The following SGPP1 variants were observed in gnomAD, a reference collection of about 807,000 sequenced individuals.
The protein encoded by SGPP1 is sphingosine-1-phosphate phosphatase 1, also known as hSPP1.
SGPP1 carries 21 observed loss-of-function variants against 33.0 expected under a neutral mutation model. The ratio of observed to expected loss-of-function variants is 0.64; its 90% CI spans 0.45 to 0.92. SGPP1 has a LOEUF of 0.92. Among genes scored for constraint, SGPP1 ranks in the 40% least tolerant of loss-of-function variants. The probability of loss-of-function intolerance (pLI) is 0.00; values close to 1 mark genes in which losing one functional copy is unlikely to be tolerated. For missense variants in SGPP1, 543 were observed against 589.4 expected, an observed-to-expected ratio of 0.92 and a Z score of 0.81; for synonymous variants, 239 against 241.2, an observed-to-expected ratio of 0.99 and a Z score of 0.08.
intron 1 of SGPP1, among the ~76,000 whole-genome samples, chr14:63,721,303 G>A (rs1885766355): frequency 6.6e-6 from 1 of 152,046 alleles, no homozygotes; most frequent in Non-Finnish European, 1.5e-5. Context: ...AATTAGCCGG[G>A]TGTGGTGGCA....
At chr14:63,709,266 C>A (rs553590129) in intron 1 of SGPP1, among the ~76,000 whole-genome samples, 3 of 151,228 alleles carry the variant, frequency 2.0e-5, no homozygotes, top group Non-Finnish European at 4.4e-5. Flanking sequence ...CCCAGCTACT[C>A]GGGAGGCTGA....
At chr14:63,723,780 A>C (rs1885823767) in intron 1 of SGPP1, among the ~76,000 whole-genome samples, 1 of 152,194 alleles carries the variant, frequency 6.6e-6, no homozygotes, top group Non-Finnish European at 1.5e-5. Context: ...TCTTGAAGAA[A>C]TACAACTAAC....
At position 63,724,019 on chromosome 14, in the gene SGPP1, A is replaced by T. The variant is rs1051295329; in HGVS notation, c.684+3242T>A. On this transcript the variant is annotated intron_variant, in intron 1 of 2. Transcript: ENST00000247225. ...CAGCCTCCCTAGTAGCTAGAACTACAGGCATGCGCCACCATGCCCAGCTGA... is the reference window on the plus strand; with the variant it reads ...CAGCCTCCCTAGTAGCTAGAACTACTGGCATGCGCCACCATGCCCAGCTGA... 2.6e-5 allele frequency among the ~76,000 whole-genome samples: 4 copies of T among 152,194 alleles called. No homozygotes were observed. In the East Asian group the frequency reaches 7.8e-4, roughly 30 times the overall value.
intron 1 of SGPP1, 113 bp downstream of exon 1, chr14:63,727,148 T>C: frequency 7.0e-7 from 1 of 1,433,038 alleles, no homozygotes; most frequent in Non-Finnish European, 9.1e-7. Context: ...TGAAAACCTG[T>C]GGAAAGAGAG....
rs1884964933 is a variant in SGPP1 at position 63,686,056 on chromosome 14, G to T, written c.*49C>A. ...GGCTTTACCTGGAATATATTTTTGG[G>T]TATCAGTAACTGATACCCTCCTTTC... On this transcript the variant is annotated 3_prime_UTR_variant, in exon 3 of 3. Coordinates refer to ENST00000247225, the MANE Select transcript of SGPP1 (RefSeq NM_030791.4). 1.8e-6 allele frequency: 2 copies of T among 1,142,742 alleles called. No homozygotes were observed. Among genetic ancestry groups the T allele is most frequent in the South Asian group, 1.8e-5 (1 of 54,248 alleles). 70.8% of individuals were successfully genotyped at this position (1,142,742 alleles called of 1,614,324 possible). A position where few individuals can be genotyped will look rare whatever the true frequency, so the allele number is the denominator to read the frequency against.
At chr14:63,706,168 G>A (rs768887170) in intron 1 of SGPP1, among the ~76,000 whole-genome samples, 2 of 152,178 alleles carry the variant, frequency 1.3e-5, no homozygotes, top group Non-Finnish European at 2.9e-5. Context: ...AGTGAATGAA[G>A]CCAGACACCC....
intron 2 of SGPP1, among the ~76,000 whole-genome samples, chr14:63,690,252 AGGCTGGTTTCCAAC>A (rs1885064265): frequency 2.0e-5 from 3 of 152,160 alleles, no homozygotes; most frequent in Non-Finnish European, 4.4e-5. Flanking sequence ...CATGTTGCCA[AGGCTGGTTTCCAAC>A]TTCTGAGCTC....
intron 2 of SGPP1, among the ~76,000 whole-genome samples, chr14:63,688,536 T>G (rs1256025751): frequency 6.6e-6 from 1 of 151,926 alleles, no homozygotes; most frequent in Admixed American, 6.6e-5. Flanking sequence ...TACAAAAATG[T>G]TCCGTATTTC....
rs767407041 is a variant in SGPP1 at position 63,719,960 on chromosome 14, C to CA, written c.684+7300dup. On this transcript the variant is annotated intron_variant, in intron 1 of 2. Coordinates refer to ENST00000247225, the MANE Select transcript of SGPP1 (RefSeq NM_030791.4). ...TGAAACCCCATCTCTACTGAAAATA[C>CA]AAAAAAAAAAAAAAAATTAGCTGGA... 9.2e-3 allele frequency among the ~76,000 whole-genome samples: 970 copies of CA among 105,840 alleles called. 10 individuals carry two copies. The highest frequency in any genetic ancestry group is 0.028 in the African/African-American group (796 of 28,648). 69.4% of individuals were successfully genotyped at this position (105,840 alleles called of 152,430 possible).
intron 1 of SGPP1, among the ~76,000 whole-genome samples, chr14:63,702,147 G>A (rs11624105): frequency 0.016 from 2,364 of 152,160 alleles, 29 homozygotes; most frequent in Non-Finnish European, 0.024. Flanking sequence ...TTAAATAGGA[G>A]CAATGAAACC....
At chr14:63,715,026 CTTTT>C (rs1164699481) in intron 1 of SGPP1, among the ~76,000 whole-genome samples, 8 of 132,702 alleles carry the variant, frequency 6.0e-5, no homozygotes, top group Non-Finnish European at 8.2e-5. Context: ...CCCAGCCGAC[CTTTT>C]TTTTTTTTTT....
rs1351360765 is a variant in SGPP1, at chr14:63,684,604, T to G, written c.*1501A>C. 6.6e-6 allele frequency: 1 copy of G among 152,474 alleles called. No individual in the cohort carries two copies. The highest frequency in any genetic ancestry group is 1.5e-5 in the Non-Finnish European group (1 of 67,910). The allele number at this position is 152,474 out of a possible 1,614,324, so 9.4% of individuals were successfully genotyped here. A position where few individuals can be genotyped will look rare whatever the true frequency, so the allele number is the denominator to read the frequency against. ...GCTCAAATAGTTATGGTGCCCAAAA[T>G]AGAAACATCTGAAGTGATAGTTCTG... On this transcript the variant is annotated 3_prime_UTR_variant, in exon 3 of 3. Transcript: ENST00000247225.
In SGPP1 at chr14:63,727,992, A is replaced by T. The variant is rs759225692; in HGVS notation, c.-48T>A. On this transcript the variant is annotated 5_prime_UTR_variant, in exon 1 of 3. Transcript: ENST00000247225. ...CGGGCCGGCCTCCGGCGCAGCCCCGAACTGTCCCCGCGCTCCTGGCCAGCG... is the reference window on the plus strand; with the variant it reads ...CGGGCCGGCCTCCGGCGCAGCCCCGTACTGTCCCCGCGCTCCTGGCCAGCG... The T allele has an allele frequency of 2.6e-4, 394 of 1,498,334 alleles. No individual in the cohort carries two copies. The highest frequency in any genetic ancestry group is 3.4e-4 in the Non-Finnish European group (383 of 1,131,398). The allele number at this position is 1,498,334 out of a possible 1,614,324, so 92.8% of individuals were successfully genotyped here. A position where few individuals can be genotyped will look rare whatever the true frequency, so the allele number is the denominator to read the frequency against.
In SGPP1 at chr14:63,715,058, G is replaced by A. The variant is rs113142286; in HGVS notation, c.684+12203C>T. 9.2e-3 allele frequency among the ~76,000 whole-genome samples: 1,171 copies of A among 127,438 alleles called. 11 individuals are homozygous for A. The highest frequency in any genetic ancestry group is 0.032 in the African/African-American group (1,092 of 33,666). 83.6% of individuals were successfully genotyped at this position (127,438 alleles called of 152,430 possible). On this transcript the variant is annotated intron_variant, in intron 1 of 2. Coordinates refer to ENST00000247225, the MANE Select transcript of SGPP1 (RefSeq NM_030791.4). ...TTTTTTTTTTTTGAGATGGAGTGTT[G>A]CTCTTGTTGCTCATGCTGTGATTTT...
intron 1 of SGPP1, among the ~76,000 whole-genome samples, chr14:63,711,056 C>T (rs1043110252): frequency 3.3e-5 from 5 of 150,864 alleles, no homozygotes; most frequent in Non-Finnish European, 7.4e-5. Context: ...TCTTGCTGCC[C>T]AGGCTGGAGT....
chr14:63,720,296 A>T (rs1346454391), intron 1 of SGPP1, among the ~76,000 whole-genome samples: 1 of 151,896 alleles, frequency 6.6e-6, no homozygotes, highest in Non-Finnish European at 1.5e-5. Context: ...AAGAAATAGA[A>T]AAAAAGGAAG....
At chr14:63,697,836 A>G (rs74058053) in intron 2 of SGPP1, among the ~76,000 whole-genome samples, 3 of 152,226 alleles carry the variant, frequency 2.0e-5, no homozygotes, top group African/African-American at 7.2e-5. Flanking sequence ...AGGAAACCTA[A>G]TAATTCAGTA....
chr14:63,709,161 G>T (rs928467178), intron 1 of SGPP1, among the ~76,000 whole-genome samples: 1 of 152,126 alleles, frequency 6.6e-6, no homozygotes, highest in African/African-American at 2.4e-5. Context: ...GATCACCTGA[G>T]GTCAGGAGTT....
At chr14:63,715,026 C>CTTTT (rs1164699481) in intron 1 of SGPP1, among the ~76,000 whole-genome samples, 1 of 132,716 alleles carries the variant, frequency 7.5e-6, no homozygotes, top group Non-Finnish European at 1.6e-5. Flanking sequence ...CCCAGCCGAC[C>CTTTT]TTTTTTTTTT....
Sources: allele counts gnomAD v4.1 joint callset (sites outside exome capture counted in the v4.1 genomes callset), GRCh38; gene constraint gnomAD v4.1.1; transcripts MANE v1.5; gene names NCBI Gene and HGNC (gene_info 2026-07-23, HGNC 2026-07-21).